The following LDB2 variants were observed in gnomAD, a reference collection of about 807,000 sequenced individuals.
The protein encoded by LDB2 is LIM domain-binding protein 2.
In LDB2, 12 loss-of-function variants were observed where a neutral mutation model predicts 44.3. The ratio of observed to expected loss-of-function variants is 0.27; its 90% CI spans 0.17 to 0.44. The LOEUF (loss-of-function observed/expected upper bound fraction) is 0.44. Ranked by LOEUF, LDB2 falls within the 20% of genes least tolerant of loss-of-function variation. The pLI, the probability that LDB2 is intolerant of heterozygous loss-of-function variation, is 1.00. For missense variants in LDB2, 344 were observed against 473.5 expected (o/e 0.73, Z 2.54); for synonymous variants, 164 against 174.8 (o/e 0.94, Z 0.49).
chr4:16,789,219 A>T (rs953613434), intron 1 of LDB2, among the ~76,000 whole-genome samples: 1 of 152,232 alleles, frequency 6.6e-6, no homozygotes, highest in African/African-American at 2.4e-5. Flanking sequence ...GCTACTCCAC[A>T]GTGATCCACG....
At chr4:16,541,737 C>G (rs1044046182) in intron 5 of LDB2, among the ~76,000 whole-genome samples, 2 of 152,130 alleles carry the variant, frequency 1.3e-5, no homozygotes, top group African/African-American at 4.8e-5. Flanking sequence ...CAAGGATGAC[C>G]TTAAATCTCA....
chr4:16,504,381 G>C (rs1481842142), intron 7 of LDB2, among the ~76,000 whole-genome samples: 1 of 152,172 alleles, frequency 6.6e-6, no homozygotes, highest in Non-Finnish European at 1.5e-5. Context: ...ATAATTAATA[G>C]GTTTCCAAAC....
chr4:16,534,717 T>C (rs899718253), intron 5 of LDB2, among the ~76,000 whole-genome samples: 1 of 152,208 alleles, frequency 6.6e-6, no homozygotes, highest in Non-Finnish European at 1.5e-5. Context: ...CAAAGCTCAG[T>C]TGAGATGCCA....
chr4:16,877,493 G>A (rs1008294606), intron 1 of LDB2, among the ~76,000 whole-genome samples: 1 of 152,198 alleles, frequency 6.6e-6, no homozygotes, highest in African/African-American at 2.4e-5. Flanking sequence ...ATAAGAGTTT[G>A]TTAAACTGAT....
chr4:16,537,755 C>T (rs953149820), intron 5 of LDB2, among the ~76,000 whole-genome samples: 4 of 152,074 alleles, frequency 2.6e-5, no homozygotes, highest in Non-Finnish European at 5.9e-5. Flanking sequence ...AATACCCCTG[C>T]TCCCCAGCTG....
intron 1 of LDB2, among the ~76,000 whole-genome samples, chr4:16,881,106 G>A (rs1401431630): frequency 1.3e-5 from 2 of 152,136 alleles, no homozygotes; most frequent in African/African-American, 4.8e-5. Context: ...GGCTTTGAAT[G>A]CGTCTCACAG....
At chr4:16,730,116 C>G (rs1760423157) in intron 2 of LDB2, among the ~76,000 whole-genome samples, 1 of 152,126 alleles carries the variant, frequency 6.6e-6, no homozygotes, top group African/African-American at 2.4e-5. Context: ...ATTCTAGATT[C>G]TGGCCTGCAA....
chr4:16,619,044 A>G (rs1306711353), intron 2 of LDB2, among the ~76,000 whole-genome samples: 1 of 152,130 alleles, frequency 6.6e-6, no homozygotes, highest in Non-Finnish European at 1.5e-5. Flanking sequence ...CTCCTCAGTC[A>G]TGCTTCCTGT....
chr4:16,648,601 G>A (rs1220971679), intron 2 of LDB2, among the ~76,000 whole-genome samples: 1 of 152,144 alleles, frequency 6.6e-6, no homozygotes, highest in Admixed American at 6.5e-5. Flanking sequence ...GGCAAACTCT[G>A]TTCTTTTCAC....
chr4:16,693,440 C>G (rs1751333800), intron 2 of LDB2, among the ~76,000 whole-genome samples: 1 of 151,080 alleles, frequency 6.6e-6, no homozygotes, highest in Non-Finnish European at 1.5e-5. Context: ...ACCGCAACCT[C>G]CGCCTCCTGG....
At chr4:16,605,094 T>TA (rs1723562871) in intron 2 of LDB2, among the ~76,000 whole-genome samples, 4 of 152,132 alleles carry the variant, frequency 2.6e-5, no homozygotes, top group East Asian at 1.9e-4. Context: ...CTATATTTTT[T>TA]TAAAAAATCA....
intron 1 of LDB2, among the ~76,000 whole-genome samples, chr4:16,760,443 G>T (rs1767646685): frequency 6.6e-6 from 1 of 152,136 alleles, no homozygotes; most frequent in Admixed American, 6.5e-5. Flanking sequence ...TCAGACAAAT[G>T]AATTTTTGCA....
intron 2 of LDB2, among the ~76,000 whole-genome samples, chr4:16,730,822 T>A (rs980679602): frequency 2.0e-5 from 3 of 152,242 alleles, no homozygotes; most frequent in African/African-American, 7.2e-5. Context: ...TGACACCTGG[T>A]GCCATTTACC....
chr4:16,639,595 G>A (rs1734590848), intron 2 of LDB2, among the ~76,000 whole-genome samples: 1 of 152,128 alleles, frequency 6.6e-6, no homozygotes, highest in African/African-American at 2.4e-5. Context: ...CCAAGTAGCT[G>A]GGATTAAAGG....
At chr4:16,524,712 T>C (rs1458382362) in intron 5 of LDB2, among the ~76,000 whole-genome samples, 1 of 152,206 alleles carries the variant, frequency 6.6e-6, no homozygotes, top group East Asian at 1.9e-4. Flanking sequence ...CTGAAATGTG[T>C]CAAACGCAAT....
At chr4:16,615,890 G>A (rs756388085) in intron 2 of LDB2, among the ~76,000 whole-genome samples, 12 of 152,246 alleles carry the variant, frequency 7.9e-5, no homozygotes, top group East Asian at 1.9e-4. Flanking sequence ...ACTTGACTCC[G>A]TGCTCTGCCT....
intron 1 of LDB2, among the ~76,000 whole-genome samples, chr4:16,797,421 A>G (rs1469828377): frequency 6.6e-6 from 1 of 152,172 alleles, no homozygotes; most frequent in Admixed American, 6.5e-5. Context: ...ATACATGAGA[A>G]TTCTCTCTAC....
chr4:16,659,685 A>G (rs28539331), intron 2 of LDB2, among the ~76,000 whole-genome samples: 3 of 111,048 alleles, frequency 2.7e-5, no homozygotes, highest in African/African-American at 5.7e-5. Flanking sequence ...ATATATATAT[A>G]TATATATGTA....
chr4:16,535,621 G>A (rs1577457157), intron 5 of LDB2, among the ~76,000 whole-genome samples: 1 of 152,174 alleles, frequency 6.6e-6, no homozygotes. Flanking sequence ...TGTTGGCAAA[G>A]CCTTCCTGGG....
Sources: gnomAD v4.1 joint callset for allele counts (sites outside exome capture counted in the v4.1 genomes callset) on GRCh38, gnomAD v4.1.1 for gene constraint, MANE v1.5 for transcripts, NCBI Gene and HGNC (gene_info 2026-07-23, HGNC 2026-07-21) for gene names.